Variants in NEK3 observed in about 807,000 individuals in gnomAD.
The protein encoded by NEK3 is serine/threonine-protein kinase Nek3.
NEK3 carries 54 observed loss-of-function variants against 66.0 expected under a neutral mutation model. The observed-to-expected ratio is 0.82, with a 90% CI of 0.66 to 1.03. The LOEUF (loss-of-function observed/expected upper bound fraction) is 1.03, where lower values mean the gene tolerates loss of function less well. Among genes scored for constraint, NEK3 ranks in the 50% least tolerant of loss-of-function variants. The pLI, the probability that NEK3 is intolerant of heterozygous loss-of-function variation, is 0.00. For synonymous variants in NEK3, 200 were observed against 206.2 expected (o/e 0.97, Z 0.26); for missense variants, 593 against 603.0 (o/e 0.98, Z 0.17).
intron 8 of NEK3, 121 bp downstream of exon 8, chr13:52,148,292 CAT>C (rs1956310886): frequency 1.2e-6 from 1 of 863,798 alleles, no homozygotes; most frequent in East Asian, 2.4e-5. Context: ...GCACTGGAAA[CAT>C]ATACAAACTT....
chr13:52,147,013 T>C (rs1186418068), intron 8 of NEK3, among the ~76,000 whole-genome samples: 1 of 152,236 alleles, frequency 6.6e-6, no homozygotes, highest in African/African-American at 2.4e-5. Context: ...GTTGTTGTTC[T>C]ATATAATAAA....
chr13:52,136,425 T>TA (rs1221141409), intron 12 of NEK3, among the ~76,000 whole-genome samples, 166 bp from the exon 13 acceptor site: 1 of 151,202 alleles, frequency 6.6e-6, no homozygotes, highest in Non-Finnish European at 1.5e-5. Flanking sequence ...AAAGGAAATT[T>TA]AAAAAAAAAT....
In NEK3 at chr13:52,156,187, T is replaced by C. The variant is rs1189917467; in HGVS notation, c.5A>G (p.Asp2Gly). 1.3e-6 allele frequency: 2 copies of C among 1,588,420 alleles called. No homozygotes were observed. Among genetic ancestry groups the C allele is most frequent in the Non-Finnish European group, 1.7e-6 (2 of 1,165,336 alleles). Residue 2 changes from aspartate to glycine, a missense_variant, in exon 2 of 16, where the codon GAT becomes GGT. Transcript: ENST00000610828. M[D>G]DYMVLRMIGE... ...AATCATTCTCAGGACCATGTAGTCA[T>C]CCATGCTGGGGCATCCACACAGCTG...
At chr13:52,144,942 G>T in intron 8 of NEK3, 51 bp from the exon 9 acceptor site, 2 of 1,163,726 alleles carry the variant, frequency 1.7e-6, no homozygotes, top group Non-Finnish European at 2.5e-6. Context: ...AGAAATGGAA[G>T]CAAGAAACTA....
chr13:52,143,157 ATTC>A, intron 10 of NEK3, among the ~76,000 whole-genome samples: 1 of 152,242 alleles, frequency 6.6e-6, no homozygotes. Context: ...TCTCTACTAA[ATTC>A]AAAAAATTAG....
At chr13:52,154,614 C>A (rs1331084399) in intron 2 of NEK3, among the ~76,000 whole-genome samples, 1 of 151,662 alleles carries the variant, frequency 6.6e-6, no homozygotes, top group East Asian at 2.0e-4. Context: ...GAGGAGTCCA[C>A]TGGTCCAGAT....
rs539917921 is a variant in NEK3, at chr13:52,144,722, G to A, written c.773C>T (p.Ala258Val). The change falls in exon 9 of 16, where the codon GCT (alanine) becomes GTT (valine). Residue 258 changes from alanine (A) to valine (V), a missense_variant. Transcript: ENST00000610828. Reference protein sequence around the residue: ...ATTLLSRGIVARLVQKCLPPE... With the variant: ...ATTLLSRGIVVRLVQKCLPPE... ...GGGTAAGCACTTCTGGACAAGCCGAGCTACGATGCCTCGAGAGAGAAGCGT... is the reference window on the plus strand; with the variant it reads ...GGGTAAGCACTTCTGGACAAGCCGAACTACGATGCCTCGAGAGAGAAGCGT... The A allele has an allele frequency of 3.8e-5, 61 of 1,613,898 alleles. No individual in the cohort carries two copies. The highest frequency in any genetic ancestry group is 5.0e-5 in the Non-Finnish European group (59 of 1,179,882).
Position 52,144,717 on chromosome 13 carries a change from G to C in NEK3, c.778C>G (p.Leu260Val), listed in dbSNP as rs755721938. 2.0e-5 allele frequency: 33 copies of C among 1,613,764 alleles called. No homozygotes were observed. Residue 260 changes from leucine to valine, a missense_variant, in exon 9 of 16, where the codon CTT becomes GTT. Leu to Val is a conservative substitution (Grantham distance 32). Coordinates refer to ENST00000610828, the MANE Select transcript of NEK3 (RefSeq NM_002498.3). ...TCGGGGGGTAAGCACTTCTGGACAA[G>C]CCGAGCTACGATGCCTCGAGAGAGA... ...TLLSRGIVAR[L>V]VQKCLPPEII...
At chr13:52,138,655 G>C (rs1046489709) in intron 11 of NEK3, among the ~76,000 whole-genome samples, 12 of 152,184 alleles carry the variant, frequency 7.9e-5, no homozygotes, top group African/African-American at 2.9e-4. Context: ...TAGGCCAGGT[G>C]AAGTGGCTCA....
Position 52,133,163 on chromosome 13 carries a change from C to A in NEK3, c.1500G>T (p.Trp500Cys). 1 of 1,610,622 alleles carries A rather than the reference C, an allele frequency of 6.2e-7. No individual in the cohort carries two copies. The highest frequency in any genetic ancestry group is 8.5e-7 in the Non-Finnish European group (1 of 1,178,616). The change falls in exon 16 of 16, where the codon TGG (tryptophan) becomes TGT (cysteine). Residue 500 changes from tryptophan to cysteine, a missense_variant. Physicochemically the swap from Trp to Cys is radical, Grantham distance 215. Coordinates refer to ENST00000610828, the MANE Select transcript of NEK3 (RefSeq NM_002498.3). Reference sequence around the variant, plus strand: ...GGCATTATCTGTCGCACAGGCCTTGCCATCCAGCTCGCTTCTTCAGCTCTG... The same window carrying A: ...GGCATTATCTGTCGCACAGGCCTTGACATCCAGCTCGCTTCTTCAGCTCTG... ...WVSELKKRAG[W>C]QGLCDR is the part of the protein sequence containing the mutation.
At chr13:52,158,917 G>A (rs1055729625) in intron 1 of NEK3, among the ~76,000 whole-genome samples, 4 of 152,170 alleles carry the variant, frequency 2.6e-5, no homozygotes, top group African/African-American at 9.7e-5. Flanking sequence ...TTCTAGCACA[G>A]AGGCTAGGAT....
At chr13:52,137,848 C>T (rs1367573714) in intron 11 of NEK3, among the ~76,000 whole-genome samples, 3 of 152,212 alleles carry the variant, frequency 2.0e-5, no homozygotes, top group African/African-American at 4.8e-5. Context: ...AGTTTTCCTA[C>T]CTCAAGTCCT....
chr13:52,150,416 G>A (rs141964747), intron 7 of NEK3, among the ~76,000 whole-genome samples: 159 of 152,118 alleles, frequency 1.0e-3, no homozygotes, highest in Non-Finnish European at 1.5e-3. Flanking sequence ...AATATAAAAC[G>A]ACTAAAGTAA....
intron 2 of NEK3, among the ~76,000 whole-genome samples, chr13:52,155,329 T>C (rs1244295563): frequency 1.3e-5 from 2 of 152,240 alleles, no homozygotes; most frequent in Non-Finnish European, 2.9e-5. Flanking sequence ...AGTAATGGTC[T>C]ACAAGGAAAT....
chr13:52,154,809 C>T (rs1259696121), intron 2 of NEK3, among the ~76,000 whole-genome samples: 1 of 147,908 alleles, frequency 6.8e-6, no homozygotes, highest in Non-Finnish European at 1.5e-5. Flanking sequence ...GTGGCTGGGA[C>T]TATAGATGTA....
intron 10 of NEK3, among the ~76,000 whole-genome samples, chr13:52,141,932 A>AG (rs1362454025): frequency 6.6e-6 from 1 of 151,432 alleles, no homozygotes; most frequent in East Asian, 2.0e-4. Context: ...AAAAAAAAAA[A>AG]AAAAATTAGC....
chr13:52,135,924 C>A, intron 13 of NEK3, 61 bp from the exon 14 acceptor site: 3 of 1,553,440 alleles, frequency 1.9e-6, no homozygotes, highest in Non-Finnish European at 1.7e-6. Flanking sequence ...CATGTACTTT[C>A]CAGATCATAT....
chr13:52,133,603 G>T, intron 15 of NEK3, 86 bp downstream of exon 15: 1 of 1,291,352 alleles, frequency 7.7e-7, no homozygotes, highest in Non-Finnish European at 1.0e-6. Context: ...AATTATCATG[G>T]TCTAATTTAA....
At chr13:52,139,727 C>T (rs1375301545) in intron 11 of NEK3, among the ~76,000 whole-genome samples, 1 of 151,970 alleles carries the variant, frequency 6.6e-6, no homozygotes, top group African/African-American at 2.4e-5. Context: ...AGCAAAACCC[C>T]ATCTCTACAA....
Sources: gnomAD v4.1 joint callset for allele counts (sites outside exome capture counted in the v4.1 genomes callset) on GRCh38, gnomAD v4.1.1 for gene constraint, MANE v1.5 for transcripts, NCBI Gene and HGNC (gene_info 2026-07-23, HGNC 2026-07-21) for gene names.